TRAPPC9: variants seen among roughly 807,000 people sequenced by gnomAD.
The protein encoded by TRAPPC9 is trafficking protein particle complex subunit 9, also known as IKK2 binding protein.
TRAPPC9 carries 83 observed loss-of-function variants against 124.0 expected under a neutral mutation model. The observed-to-expected ratio is 0.67, with a 90% confidence interval of 0.56 to 0.80. The LOEUF (loss-of-function observed/expected upper bound fraction) is 0.80, where lower values mean the gene tolerates loss of function less well. Among genes scored for constraint, TRAPPC9 ranks in the 30% least tolerant of loss-of-function variants. The pLI is 0.00. For missense variants in TRAPPC9, 1,302 were observed against 1,508.3 expected (o/e 0.86, Z 2.27); for synonymous variants, 638 against 617.5 (o/e 1.03, Z -0.49).
At chr8:140,218,725 A>C (rs2063262674) in intron 17 of TRAPPC9, among the ~76,000 whole-genome samples, 1 of 152,066 alleles carries the variant, frequency 6.6e-6, no homozygotes, top group South Asian at 2.1e-4. Flanking sequence ...TTTGGGAGGC[A>C]GAGGTGGGTG....
intron 21 of TRAPPC9, among the ~76,000 whole-genome samples, chr8:139,823,873 C>T (rs977896206): frequency 1.3e-5 from 2 of 152,208 alleles, no homozygotes; most frequent in Admixed American, 6.5e-5. Flanking sequence ...TTCAAGCCCA[C>T]ACCTGCTCCC....
intron 18 of TRAPPC9, among the ~76,000 whole-genome samples, chr8:139,998,714 T>C (rs1397603629): frequency 6.6e-6 from 1 of 151,966 alleles, no homozygotes; most frequent in Admixed American, 6.6e-5. Flanking sequence ...ACAGCGAGAC[T>C]CCGTCTCAAA....
chr8:139,758,467 G>A (rs1820004491), intron 21 of TRAPPC9, among the ~76,000 whole-genome samples: 2 of 152,246 alleles, frequency 1.3e-5, no homozygotes, highest in Admixed American at 1.3e-4. Context: ...CCCCTGGCTA[G>A]AAGGTGAGGC....
chr8:140,026,764 C>T (rs553670472), intron 17 of TRAPPC9, among the ~76,000 whole-genome samples: 28 of 152,154 alleles, frequency 1.8e-4, no homozygotes, highest in Non-Finnish European at 3.4e-4. Context: ...ATTTGTACTG[C>T]CAGAGAAATA....
intron 19 of TRAPPC9, among the ~76,000 whole-genome samples, chr8:139,913,175 A>C (rs1023055464): frequency 1.3e-5 from 2 of 152,086 alleles, no homozygotes; most frequent in Non-Finnish European, 2.9e-5. Flanking sequence ...TAATCATCAC[A>C]CTCTATTATC....
chr8:139,972,640 G>A (rs765874043), intron 19 of TRAPPC9, among the ~76,000 whole-genome samples: 4 of 152,134 alleles, frequency 2.6e-5, no homozygotes, highest in Non-Finnish European at 5.9e-5. Context: ...CCCTGGCCAC[G>A]ACTTGGCCCA....
intron 17 of TRAPPC9, among the ~76,000 whole-genome samples, chr8:140,143,980 T>C (rs1378462464): frequency 6.6e-6 from 1 of 152,248 alleles, no homozygotes; most frequent in Non-Finnish European, 1.5e-5. Flanking sequence ...ACTGACATAG[T>C]GCATATCAAA....
intron 17 of TRAPPC9, among the ~76,000 whole-genome samples, chr8:140,146,082 A>C (rs2061458184): frequency 6.6e-6 from 1 of 152,258 alleles, no homozygotes; most frequent in African/African-American, 2.4e-5. Context: ...CCTGGAATAT[A>C]ATAGTGATTC....
intron 9 of TRAPPC9, among the ~76,000 whole-genome samples, chr8:140,351,859 C>CT (rs2067590933): frequency 6.6e-6 from 1 of 152,258 alleles, no homozygotes; most frequent in African/African-American, 2.4e-5. Flanking sequence ...CTCTTAAAAA[C>CT]TTTTGTAACA....
intron 20 of TRAPPC9, among the ~76,000 whole-genome samples, chr8:139,886,671 A>G (rs1830036610): frequency 6.6e-6 from 1 of 152,230 alleles, no homozygotes; most frequent in African/African-American, 2.4e-5. Context: ...GTGACTGCAA[A>G]AGTGGAGAAA....
chr8:139,963,172 A>G (rs1004417586), intron 19 of TRAPPC9, among the ~76,000 whole-genome samples: 3 of 152,062 alleles, frequency 2.0e-5, no homozygotes, highest in Admixed American at 2.0e-4. Flanking sequence ...TTTTTCATAG[A>G]CCTTTGGATA....
At chr8:140,405,351 A>G in intron 6 of TRAPPC9, 1 of 464,016 alleles carries the variant, frequency 2.2e-6, no homozygotes, top group South Asian at 2.6e-5. Context: ...GCAGGCCATG[A>G]GAGCCTTTTT....
intron 17 of TRAPPC9, among the ~76,000 whole-genome samples, chr8:140,116,357 A>G (rs768147974): frequency 3.3e-5 from 5 of 152,102 alleles, no homozygotes; most frequent in Non-Finnish European, 7.4e-5. Flanking sequence ...TTCATACCTA[A>G]AAGTAACGAT....
At chr8:140,053,714 G>A (rs1406202936) in intron 17 of TRAPPC9, among the ~76,000 whole-genome samples, 1 of 152,144 alleles carries the variant, frequency 6.6e-6, no homozygotes, top group African/African-American at 2.4e-5. Flanking sequence ...GTCAGTGTTT[G>A]CTTTACATTT....
intron 17 of TRAPPC9, among the ~76,000 whole-genome samples, chr8:140,120,005 T>C (rs1342894123): frequency 1.3e-5 from 2 of 152,186 alleles, no homozygotes; most frequent in Non-Finnish European, 2.9e-5. Context: ...CAGTTTCACA[T>C]AATGGGTGGT....
intron 18 of TRAPPC9, among the ~76,000 whole-genome samples, chr8:140,009,659 A>C (rs1462485806): frequency 1.3e-5 from 2 of 152,232 alleles, no homozygotes; most frequent in Non-Finnish European, 2.9e-5. Context: ...CTCCTGTCCC[A>C]GAATTACTGC....
chr8:140,062,552 C>T (rs550825658), intron 17 of TRAPPC9, among the ~76,000 whole-genome samples: 48 of 152,228 alleles, frequency 3.2e-4, no homozygotes, highest in African/African-American at 1.1e-3. Flanking sequence ...CCTTTGACAG[C>T]GCCCTCAGAG....
intron 19 of TRAPPC9, 23 bp downstream of exon 19, chr8:139,988,703 G>C (rs542571637): frequency 6.6e-7 from 1 of 1,504,634 alleles, no homozygotes; most frequent in Admixed American, 2.0e-5. Context: ...CTGCGGCGGC[G>C]CGAGGGTCTA....
chr8:140,311,433 T>G, intron 9 of TRAPPC9, 59 bp from the exon 10 acceptor site: 1 of 1,599,168 alleles, frequency 6.3e-7, no homozygotes, highest in Non-Finnish European at 8.5e-7. Flanking sequence ...AGTGGCTGGC[T>G]TTCATTTTAC....
Sources: gnomAD v4.1 joint callset for allele counts (sites outside exome capture counted in the v4.1 genomes callset) on GRCh38, gnomAD v4.1.1 for gene constraint, MANE v1.5 for transcripts, NCBI Gene and HGNC (gene_info 2026-07-23, HGNC 2026-07-21) for gene names.